FBXW7: variants seen among roughly 807,000 people sequenced by gnomAD.
FBXW7 encodes F-box and WD repeat domain containing 7.
FBXW7 carries 11 observed loss-of-function variants against 86.3 expected under a neutral mutation model. The ratio of observed to expected loss-of-function variants is 0.13; its 90% confidence interval spans 0.08 to 0.21. The LOEUF (loss-of-function observed/expected upper bound fraction) is 0.21, where lower values mean the gene tolerates loss of function less well. FBXW7 is among the 10% of genes least tolerant of loss of function. The pLI is 1.00. For missense variants in FBXW7, 488 were observed against 847.4 expected (o/e 0.58, Z 5.27); for synonymous variants, 313 against 297.9 (o/e 1.05, Z -0.52).
chr4:152,339,732 C>G (rs542329632), intron 6 of FBXW7, among the ~76,000 whole-genome samples: 4 of 151,794 alleles, frequency 2.6e-5, no homozygotes, highest in African/African-American at 2.4e-5. Context: ...CACTGGAGCT[C>G]AGGAATTTGA....
At chr4:152,448,982 T>A (rs1741665850) in intron 2 of FBXW7, among the ~76,000 whole-genome samples, 1 of 152,190 alleles carries the variant, frequency 6.6e-6, no homozygotes, top group Non-Finnish European at 1.5e-5. Flanking sequence ...ACCTGTTCCC[T>A]CTGTAAATGC....
intron 2 of FBXW7, among the ~76,000 whole-genome samples, chr4:152,453,295 T>C (rs1325277348): frequency 6.6e-6 from 1 of 152,228 alleles, no homozygotes; most frequent in Non-Finnish European, 1.5e-5. Context: ...ATTTCTTATG[T>C]AGTAGCCCAC....
intron 2 of FBXW7, among the ~76,000 whole-genome samples, chr4:152,454,635 C>A (rs1205771856): frequency 1.3e-5 from 2 of 151,978 alleles, no homozygotes; most frequent in Non-Finnish European, 1.5e-5. Flanking sequence ...GAATTCCACA[C>A]TAAATAGCCC....
chr4:152,526,308 A>G (rs1219795609), intron 2 of FBXW7, among the ~76,000 whole-genome samples: 1 of 152,312 alleles, frequency 6.6e-6, no homozygotes, highest in East Asian at 1.9e-4. Context: ...TAAACAGCCA[A>G]TGAAGGAAAG....
At chr4:152,364,579 A>C (rs1733287904) in intron 4 of FBXW7, among the ~76,000 whole-genome samples, 1 of 152,224 alleles carries the variant, frequency 6.6e-6, no homozygotes, top group South Asian at 2.1e-4. Context: ...ACAGCCTAAA[A>C]ATACTTGACT....
chr4:152,373,599 T>C (rs1399941448), intron 4 of FBXW7, among the ~76,000 whole-genome samples: 1 of 151,974 alleles, frequency 6.6e-6, no homozygotes, highest in African/African-American at 2.4e-5. Flanking sequence ...CAAGCAATGA[T>C]ACAAGTTCCC....
chr4:152,406,241 T>C (rs1203495318), intron 4 of FBXW7, among the ~76,000 whole-genome samples: 3 of 152,166 alleles, frequency 2.0e-5, no homozygotes. Flanking sequence ...ATAAAACAAT[T>C]TTAAAATGGT....
intron 2 of FBXW7, among the ~76,000 whole-genome samples, chr4:152,445,158 T>C (rs1741257759): frequency 6.6e-6 from 1 of 152,218 alleles, no homozygotes; most frequent in South Asian, 2.1e-4. Flanking sequence ...TTACTCCAAA[T>C]AGTACAAATA....
chr4:152,436,845 C>A (rs1186859908), intron 2 of FBXW7, among the ~76,000 whole-genome samples: 1 of 152,202 alleles, frequency 6.6e-6, no homozygotes, highest in African/African-American at 2.4e-5. Context: ...TTTAAGCCCA[C>A]TGTTGAGACC....
chr4:152,333,506 T>C (rs1215783542), intron 7 of FBXW7, among the ~76,000 whole-genome samples: 3 of 152,084 alleles, frequency 2.0e-5, no homozygotes, highest in African/African-American at 4.8e-5. Context: ...AGGGGAATTA[T>C]AGCCTCTGAC....
chr4:152,431,413 G>T lies in FBXW7; in HGVS notation c.-119-18884C>A, dbSNP rs576614533. On this transcript the variant is annotated intron_variant, in intron 2 of 13. Coordinates refer to ENST00000281708, the MANE Select transcript of FBXW7 (RefSeq NM_001349798.2). Reference sequence around the variant, plus strand: ...AAAAAAAGCTGATTTGTTAATATCAGGTTACTTCAGTTTACTTTTTCTAAG... The same window carrying T: ...AAAAAAAGCTGATTTGTTAATATCATGTTACTTCAGTTTACTTTTTCTAAG... Among the ~76,000 whole-genome samples, 37 of 152,248 alleles carry T rather than the reference G, an allele frequency of 2.4e-4. 2 individuals are homozygous for T. The South Asian group carries it at 7.7e-3, about 32-fold the overall frequency.
chr4:152,370,475 A>C (rs151004643), intron 4 of FBXW7, among the ~76,000 whole-genome samples: 29 of 152,068 alleles, frequency 1.9e-4, no homozygotes, highest in Non-Finnish European at 2.2e-4. Context: ...TGAGGAAGAA[A>C]GTTCAAATTA....
At chr4:152,467,265 T>C (rs1743539049) in intron 2 of FBXW7, among the ~76,000 whole-genome samples, 1 of 152,134 alleles carries the variant, frequency 6.6e-6, no homozygotes, top group South Asian at 2.1e-4. Flanking sequence ...CAAGATCTGA[T>C]GGTTTTATAA....
At chr4:152,434,465 T>C (rs949991395) in intron 2 of FBXW7, among the ~76,000 whole-genome samples, 6 of 152,218 alleles carry the variant, frequency 3.9e-5, no homozygotes, top group Admixed American at 3.3e-4. Context: ...AAAGATAATA[T>C]GTTCATCAAA....
At chr4:152,414,648 T>C (rs1738270396) in intron 2 of FBXW7, among the ~76,000 whole-genome samples, 1 of 152,144 alleles carries the variant, frequency 6.6e-6, no homozygotes, top group South Asian at 2.1e-4. Flanking sequence ...TAAAATAAAG[T>C]TGGACTTTGC....
At chr4:152,375,468 A>G (rs1310080516) in intron 4 of FBXW7, among the ~76,000 whole-genome samples, 2 of 152,140 alleles carry the variant, frequency 1.3e-5, no homozygotes, top group African/African-American at 2.4e-5. Flanking sequence ...GAAGAAAATT[A>G]CAGTTGAAAA....
intron 6 of FBXW7, among the ~76,000 whole-genome samples, chr4:152,345,230 G>C (rs545945561): frequency 4.6e-5 from 7 of 151,916 alleles, no homozygotes; most frequent in Non-Finnish European, 1.0e-4. Flanking sequence ...AGAATTCTGA[G>C]GGTGTGCATA....
chr4:152,345,031 T>C (rs1424419415), intron 6 of FBXW7, among the ~76,000 whole-genome samples: 1 of 152,224 alleles, frequency 6.6e-6, no homozygotes, highest in Non-Finnish European at 1.5e-5. Context: ...GAATGATATA[T>C]GCTGTTCACA....
intron 2 of FBXW7, among the ~76,000 whole-genome samples, chr4:152,476,591 C>T (rs1744424598): frequency 1.3e-5 from 2 of 152,130 alleles, no homozygotes; most frequent in South Asian, 2.1e-4. Context: ...CAAGAAAGAA[C>T]TCTCAAACTC....
Sources: allele counts gnomAD v4.1 joint callset (sites outside exome capture counted in the v4.1 genomes callset), GRCh38; gene constraint gnomAD v4.1.1; transcripts MANE v1.5; gene names NCBI Gene and HGNC (gene_info 2026-07-23, HGNC 2026-07-21).